The following SDR16C5 variants were observed in gnomAD, a reference collection of about 807,000 sequenced individuals.
SDR16C5 encodes the protein short chain dehydrogenase/reductase family 16C member 5.
SDR16C5 carries 20 observed loss-of-function variants against 27.7 expected under a neutral mutation model. That is an observed-to-expected ratio of 0.72 (90% CI 0.51 to 1.05). SDR16C5 has a LOEUF of 1.05. Among genes scored for constraint, SDR16C5 ranks in the 50% least tolerant of loss-of-function variants. The probability of loss-of-function intolerance (pLI) is 0.00; values close to 1 mark genes in which losing one functional copy is unlikely to be tolerated. For synonymous variants in SDR16C5, 139 were observed against 132.3 expected (o/e 1.05, Z -0.35); for missense variants, 374 against 366.3 (o/e 1.02, Z -0.17).
At position 56,307,832 on chromosome 8, in the gene SDR16C5, C is replaced by G. The variant is rs114991063; in HGVS notation, c.566-1012G>C. ...TGGTTCTGATGCAGGGGAGTAAAGA[C>G]TCACACGGTGGGAAATACAAAAGGC... On this transcript the variant is annotated intron_variant, in intron 4 of 6. Transcript: ENST00000303749. 2.0e-5 allele frequency among the ~76,000 whole-genome samples: 3 copies of G among 152,282 alleles called. No individual in the cohort carries two copies. The East Asian group carries it at 5.8e-4, about 29-fold the overall frequency.
chr8:56,312,759 C>G (rs1399197962), intron 2 of SDR16C5, among the ~76,000 whole-genome samples: 2 of 136,874 alleles, frequency 1.5e-5, no homozygotes, highest in African/African-American at 5.5e-5. Context: ...GCTGAGTCTA[C>G]AATGCACCAC....
chr8:56,312,162 A>T lies in SDR16C5; in HGVS notation c.460T>A (p.Leu154Ile). 1 of 1,611,762 alleles carries T rather than the reference A, an allele frequency of 6.2e-7. No homozygotes were observed. Among genetic ancestry groups the T allele is most frequent in the Non-Finnish European group, 8.5e-7 (1 of 1,178,006 alleles). The part of the protein sequence containing the change: ...KSFDVNFKAH[L>I]WTYKAFLPAM... The stretch of plus-strand genomic sequence containing the variant: ...TGAGAAGAAACAATTATTACCCATA[A>T]ATGTGCTTTGAAATTCACATCAAAT... Residue 154 changes from leucine to isoleucine, a missense_variant, in exon 3 of 7, where the codon TTA (leucine) becomes ATA (isoleucine). Transcript: ENST00000303749.
chr8:56,316,936 C>A (rs1178322566), intron 1 of SDR16C5, among the ~76,000 whole-genome samples: 3 of 152,210 alleles, frequency 2.0e-5, no homozygotes, highest in African/African-American at 7.2e-5. Flanking sequence ...ATGTTCTAGA[C>A]CTTTTCCGAC....
chr8:56,312,840 G>A (rs939187249), intron 2 of SDR16C5, among the ~76,000 whole-genome samples: 9 of 146,808 alleles, frequency 6.1e-5, no homozygotes, highest in African/African-American at 1.8e-4. Flanking sequence ...GCAGTGGCAC[G>A]ATCTTGGCTC....
intron 6 of SDR16C5, among the ~76,000 whole-genome samples, chr8:56,302,384 A>G (rs770475846): frequency 1.3e-5 from 2 of 152,120 alleles, no homozygotes; most frequent in Admixed American, 6.5e-5. Flanking sequence ...CTTAAAATTA[A>G]TTCTCACCGG....
chr8:56,309,223 G>T, intron 3 of SDR16C5, 196 bp from the exon 4 acceptor site: 1 of 827,080 alleles, frequency 1.2e-6, no homozygotes, highest in Non-Finnish European at 1.5e-6. Flanking sequence ...GTTTTTTATG[G>T]CAATTCCAGT....
rs117241014 is a variant in SDR16C5 at position 56,313,522 on chromosome 8, T to C, written c.334-1234A>G. Reference sequence around the variant, plus strand: ...GCTACCCACCTGTACAGTGTGTTACTATACTGAACACTGTAGGCAACTGTT... The same window carrying C: ...GCTACCCACCTGTACAGTGTGTTACCATACTGAACACTGTAGGCAACTGTT... On this transcript the variant is annotated intron_variant, in intron 2 of 6. Transcript: ENST00000303749. 9.8e-3 allele frequency among the ~76,000 whole-genome samples: 1,488 copies of C among 152,318 alleles called. 11 individuals are homozygous for C. Among genetic ancestry groups the C allele is most frequent in the South Asian group, 0.025 (120 of 4,828 alleles).
intron 5 of SDR16C5, 64 bp downstream of exon 5, chr8:56,306,612 A>G: frequency 7.1e-7 from 1 of 1,409,470 alleles, no homozygotes; most frequent in Admixed American, 2.3e-5. Flanking sequence ...AAAAAAAAGA[A>G]CAAAATAAAA....
intron 6 of SDR16C5, among the ~76,000 whole-genome samples, 190 bp downstream of exon 6, chr8:56,305,407 C>T (rs1028268673): frequency 1.6e-4 from 25 of 152,104 alleles, no homozygotes; most frequent in Admixed American, 3.9e-4. Context: ...TGACTCATGG[C>T]GGGCACTGCA....
intron 5 of SDR16C5, 131 bp from the exon 6 acceptor site, chr8:56,305,853 AT>A: frequency 1.1e-6 from 1 of 898,352 alleles, no homozygotes; most frequent in Non-Finnish European, 1.6e-6. Context: ...AATTTCATTT[AT>A]TTTTATATTT....
chr8:56,308,356 G>A (rs529727239), intron 4 of SDR16C5, among the ~76,000 whole-genome samples: 1 of 152,304 alleles, frequency 6.6e-6, no homozygotes, highest in Non-Finnish European at 1.5e-5. Context: ...CAGCTCCCAA[G>A]TTGGGCCTCC....
At chr8:56,307,976 C>G (rs757283229) in intron 4 of SDR16C5, among the ~76,000 whole-genome samples, 1 of 152,038 alleles carries the variant, frequency 6.6e-6, no homozygotes, top group Non-Finnish European at 1.5e-5. Flanking sequence ...TTCAAAGGCC[C>G]GTGACAACAG....
intron 6 of SDR16C5, 64 bp downstream of exon 6, chr8:56,305,532 TG>T: frequency 4.3e-6 from 6 of 1,392,086 alleles, no homozygotes; most frequent in Non-Finnish European, 4.8e-6. Flanking sequence ...TGGCTTCTCC[TG>T]GTGGGATTTG....
At chr8:56,308,277 A>G (rs1172048936) in intron 4 of SDR16C5, among the ~76,000 whole-genome samples, 1 of 152,220 alleles carries the variant, frequency 6.6e-6, no homozygotes, top group African/African-American at 2.4e-5. Flanking sequence ...TTTGTAAGCC[A>G]GGACTTGGGA....
intron 3 of SDR16C5, among the ~76,000 whole-genome samples, chr8:56,311,284 G>A (rs774688194): frequency 7.9e-4 from 120 of 152,140 alleles, no homozygotes; most frequent in Middle Eastern, 3.4e-3. Context: ...GTGTGGTGGC[G>A]CGCACCTGTA....
chr8:56,312,391 C>T, intron 2 of SDR16C5, 103 bp from the exon 3 acceptor site: 8 of 1,064,080 alleles, frequency 7.5e-6, no homozygotes, highest in Non-Finnish European at 1.1e-5. Flanking sequence ...TTAATTCATA[C>T]TGAGTTTATG....
At chr8:56,303,729 AC>A (rs2129256749) in intron 6 of SDR16C5, among the ~76,000 whole-genome samples, 1 of 152,350 alleles carries the variant, frequency 6.6e-6, no homozygotes, top group Non-Finnish European at 1.5e-5. Context: ...ATTGCATAAA[AC>A]TAAACATAAT....
chr8:56,308,678 C>G (rs562389782), intron 4 of SDR16C5, among the ~76,000 whole-genome samples: 155 of 152,196 alleles, frequency 1.0e-3, no homozygotes, highest in Non-Finnish European at 1.7e-3. Context: ...ATCAGTGAGG[C>G]CTCTCTCTCT....
chr8:56,319,877 C>G (rs1337838531), intron 1 of SDR16C5, among the ~76,000 whole-genome samples, 182 bp downstream of exon 1: 1 of 152,162 alleles, frequency 6.6e-6, no homozygotes, highest in Non-Finnish European at 1.5e-5. Context: ...CTCAGCCGTG[C>G]GCTACCCGGT....
Sources: allele counts gnomAD v4.1 joint callset (sites outside exome capture counted in the v4.1 genomes callset), GRCh38; gene constraint gnomAD v4.1.1; transcripts MANE v1.5; gene names NCBI Gene and HGNC (gene_info 2026-07-23, HGNC 2026-07-21).